Variants in FSD1L observed in about 807,000 individuals in gnomAD.
FSD1L encodes fibronectin type III and SPRY domain containing 1 like.
Under a neutral mutation model 71.6 loss-of-function variants are expected in FSD1L, and 45 were observed. The ratio of observed to expected loss-of-function variants is 0.63; its 90% CI spans 0.49 to 0.81. The LOEUF is 0.81. Ranked by LOEUF, FSD1L falls within the 30% of genes least tolerant of loss-of-function variation. FSD1L has a pLI of 0.00. For synonymous variants in FSD1L, 197 were observed against 207.2 expected (o/e 0.95, Z 0.42); for missense variants, 561 against 618.1 (o/e 0.91, Z 0.98).
intron 10 of FSD1L, among the ~76,000 whole-genome samples, chr9:105,533,416 C>CTTTTTTTGTTTTTTTTTTT (rs1836034717): frequency 3.4e-5 from 1 of 29,070 alleles, no homozygotes; most frequent in Non-Finnish European, 6.0e-5. Context: ...CCATTTCCAT[C>CTTTTTTTGTTTTTTTTTTT]TTTTTTTTTT....
At chr9:105,448,555 C>T (rs1242688395) in intron 1 of FSD1L, among the ~76,000 whole-genome samples, 3 of 152,212 alleles carry the variant, frequency 2.0e-5, no homozygotes, top group Non-Finnish European at 2.9e-5. Context: ...GTTTTCATGC[C>T]TGCAGACTGC....
rs34998811 is a variant in FSD1L at position 105,472,013 on chromosome 9, A to G, written c.441+8A>G. ...CCTGAAGAATTTTCAAAGGTACACA[A>G]AAACTGCATTAATACACTTAACAAG... is the stretch of plus-strand genomic sequence containing the variant. On this transcript the variant is annotated splice_region_variant and intron_variant, in intron 5 of 13. Transcript: ENST00000481272. 79,296 of 1,424,492 alleles carry G rather than the reference A, an allele frequency of 0.056. 2,485 individuals are homozygous for G. The highest frequency in any genetic ancestry group is 0.076 in the Middle Eastern group (427 of 5,634). The allele number at this position is 1,424,492 out of a possible 1,614,324, so 88.2% of individuals were successfully genotyped here.
chr9:105,492,031 A>T (rs1832978150), intron 7 of FSD1L, among the ~76,000 whole-genome samples: 2 of 151,748 alleles, frequency 1.3e-5, no homozygotes, highest in African/African-American at 4.9e-5. Flanking sequence ...GTTAGGGAGG[A>T]TTCCTTCTTT....
intron 10 of FSD1L, chr9:105,524,554 A>T: frequency 2.5e-6 from 4 of 1,614,022 alleles, no homozygotes; most frequent in Middle Eastern, 1.7e-4. Flanking sequence ...AAGGTTTTAC[A>T]TGGGTGTGTT....
intron 6 of FSD1L, among the ~76,000 whole-genome samples, chr9:105,480,332 AC>A (rs1171171803): frequency 6.8e-6 from 1 of 146,604 alleles, no homozygotes; most frequent in African/African-American, 2.6e-5. Flanking sequence ...TTGCTCTAGC[AC>A]CCAGGCTGGA....
At chr9:105,502,578 C>T (rs113155115) in intron 7 of FSD1L, among the ~76,000 whole-genome samples, 24 of 152,268 alleles carry the variant, frequency 1.6e-4, no homozygotes, top group African/African-American at 5.3e-4. Flanking sequence ...CCAGTGTATA[C>T]ATCTTCATTT....
At chr9:105,448,274 C>T in intron 1 of FSD1L, 39 bp downstream of exon 1, 2 of 1,517,286 alleles carry the variant, frequency 1.3e-6, no homozygotes, top group Non-Finnish European at 1.8e-6. Flanking sequence ...CCGAGACAAG[C>T]CGGGCCGGCA....
Position 105,462,240 on chromosome 9 carries a change from G to A in FSD1L, c.111+625G>A, listed in dbSNP as rs561997411. Among the ~76,000 whole-genome samples the A allele has an allele frequency of 3.0e-3, 443 of 149,048 alleles. 1 individual carries two copies. Among genetic ancestry groups the A allele is most frequent in the Middle Eastern group, 6.9e-3 (2 of 290 alleles). On this transcript the variant is annotated intron_variant, in intron 2 of 13. Coordinates refer to ENST00000481272, the MANE Select transcript of FSD1L (RefSeq NM_001145313.3). ...TTTTGTTTTTTTTTTTTTTGAGATG[G>A]AATCTTGCTCTGTCACCCAGGCTGG... is the stretch of plus-strand genomic sequence containing the variant.
chr9:105,444,785 C>G (rs1220188686), upstream of FSD1L, among the ~76,000 whole-genome samples: 1 of 152,176 alleles, frequency 6.6e-6, no homozygotes, highest in Non-Finnish European at 1.5e-5. Flanking sequence ...TCTCCCCGAC[C>G]CCTTTTTTTG....
chr9:105,508,024 C>T (rs1237193322), intron 8 of FSD1L, among the ~76,000 whole-genome samples: 1 of 151,792 alleles, frequency 6.6e-6, no homozygotes, highest in African/African-American at 2.4e-5. Context: ...CTTGAGTAGC[C>T]ACGCCCGGCT....
Position 105,464,331 on chromosome 9 carries a change from G to T in FSD1L, c.207G>T (p.Gln69His), listed in dbSNP as rs1187957520. ...TACATCATACACTAAAAGGAGTTCA[G>T]GTATGATTGTTTTATGAAAAATTTT... ...DTLHHTLKGV[Q>H]ENSSNILSEL... is the part of the protein sequence containing the mutation. The change falls in exon 3 of 14, where the codon CAG becomes CAT. Residue 69 changes from glutamine (Q) to histidine (H), a missense_variant and splice_region_variant. By Grantham distance (24) the Gln-to-His change is conservative (BLOSUM62 0). Around this residue, in one of 3 missense-constraint regions of FSD1L, gnomAD observed 410 missense variants for 413.5 expected, o/e 0.99. Transcript: ENST00000481272. 7.1e-7 allele frequency: 1 copy of T among 1,407,368 alleles called. No homozygotes were observed. Among genetic ancestry groups the T allele is most frequent in the Non-Finnish European group, 9.6e-7 (1 of 1,042,960 alleles). The allele number at this position is 1,407,368 out of a possible 1,614,324, so 87.2% of individuals were successfully genotyped here. A position where few individuals can be genotyped will look rare whatever the true frequency, so the allele number is the denominator to read the frequency against.
Position 105,530,669 on chromosome 9 carries a change from A to G in FSD1L, c.1026-3824A>G, listed in dbSNP as rs895014704. 9.6e-6 allele frequency: 6 copies of G among 623,062 alleles called. No homozygotes were observed. The Admixed American group carries it at 1.6e-4, about 16-fold the overall frequency. 38.6% of individuals were successfully genotyped at this position (623,062 alleles called of 1,614,324 possible). ...TTTTTCAGAATGCATGTTTCCTCTC[A>G]GCAGACACTCTGACCACCAGTTGGG... On this transcript the variant is annotated intron_variant, in intron 10 of 13. Coordinates refer to ENST00000481272, the MANE Select transcript of FSD1L (RefSeq NM_001145313.3).
Position 105,506,573 on chromosome 9 carries a change from T to A in FSD1L, c.761T>A (p.Ile254Asn). The A allele has an allele frequency of 1.3e-6, 2 of 1,550,874 alleles. No individual in the cohort carries two copies. Among genetic ancestry groups the A allele is most frequent in the Non-Finnish European group, 1.7e-6 (2 of 1,146,378 alleles). Residue 254 changes from isoleucine (I) to asparagine (N), a missense_variant, in exon 8 of 14, where the codon ATT (isoleucine) becomes AAT (asparagine). Transcript: ENST00000481272. Reference sequence around the variant, plus strand: ...AAGGATGAGCGATGCTGGGAGATAATTGATAATATTAAGGGTACTGAATAT... The same window carrying A: ...AAGGATGAGCGATGCTGGGAGATAAATGATAATATTAAGGGTACTGAATAT... The part of the protein sequence containing the change: ...RVKDERCWEI[I>N]DNIKGTEYTL...
chr9:105,492,311 G>A (rs1833003144), intron 7 of FSD1L, among the ~76,000 whole-genome samples: 2 of 152,186 alleles, frequency 1.3e-5, no homozygotes, highest in Admixed American at 6.5e-5. Context: ...ATTCTCTGAT[G>A]GTAGTTTGTA....
chr9:105,452,657 GCCTGCCTGCCTGCCTTCCTT>G (rs1335772380), intron 1 of FSD1L, among the ~76,000 whole-genome samples: 146 of 128,550 alleles, frequency 1.1e-3, no homozygotes, highest in Middle Eastern at 7.1e-3. Context: ...CTGCCTGCCT[GCCTGCCTGCCTGCCTTCCTT>G]CCTTCCTTCC....
intron 7 of FSD1L, among the ~76,000 whole-genome samples, chr9:105,497,400 C>T (rs1384182018): frequency 6.6e-6 from 1 of 152,198 alleles, no homozygotes; most frequent in Admixed American, 6.5e-5. Flanking sequence ...GAAGTATTCT[C>T]TCTATTTTTC....
At chr9:105,495,633 G>A (rs1469141978) in intron 7 of FSD1L, among the ~76,000 whole-genome samples, 10 of 152,270 alleles carry the variant, frequency 6.6e-5, no homozygotes, top group South Asian at 4.1e-4. Context: ...GTTCCTATTC[G>A]GCCATCTTGG....
chr9:105,468,419 A>C (rs1313044600), intron 4 of FSD1L, 95 bp downstream of exon 4: 1 of 937,184 alleles, frequency 1.1e-6, no homozygotes, highest in Non-Finnish European at 1.5e-6. Context: ...AAGTATAACT[A>C]TACCCTTACC....
At chr9:105,454,650 G>T (rs546831753) in intron 1 of FSD1L, among the ~76,000 whole-genome samples, 1 of 152,104 alleles carries the variant, frequency 6.6e-6, no homozygotes, top group South Asian at 2.1e-4. Flanking sequence ...ACTTTACTGG[G>T]TAAAACAGCC....
Sources: allele counts gnomAD v4.1 joint callset (sites outside exome capture counted in the v4.1 genomes callset), GRCh38; gene constraint gnomAD v4.1.1; regional missense constraint gnomAD v4.1.1; transcripts MANE v1.5; gene names NCBI Gene and HGNC (gene_info 2026-07-23, HGNC 2026-07-21).